The following STARD10 variants were observed in gnomAD, a reference collection of about 807,000 sequenced individuals.
STARD10 encodes START domain-containing protein 10.
STARD10 carries 24 observed loss-of-function variants against 36.0 expected under a neutral mutation model. The ratio of observed to expected loss-of-function variants is 0.67; its 90% CI spans 0.48 to 0.94. STARD10 has a LOEUF of 0.94. STARD10 is among the 40% of genes least tolerant of loss of function. The pLI, the probability that STARD10 is intolerant of heterozygous loss-of-function variation, is 0.00. For missense variants in STARD10, 335 were observed against 396.6 expected (o/e 0.84, Z 1.32); for synonymous variants, 156 against 161.9 (o/e 0.96, Z 0.28).
intron 1 of STARD10, among the ~76,000 whole-genome samples, chr11:72,786,819 C>T (rs1254125098): frequency 1.3e-5 from 2 of 152,110 alleles, no homozygotes; most frequent in African/African-American, 2.4e-5. Flanking sequence ...TGTAATCACA[C>T]CTATAATTCC....
At chr11:72,766,034 T>A (rs533753148) in intron 2 of STARD10, 2 of 152,244 alleles carry the variant, frequency 1.3e-5, no homozygotes, top group African/African-American at 4.8e-5. Flanking sequence ...GTGATCTCAA[T>A]TGATTATTCA....
chr11:72,791,272 G>T (rs1859139936), intron 1 of STARD10, among the ~76,000 whole-genome samples: 1 of 152,040 alleles, frequency 6.6e-6, no homozygotes, highest in South Asian at 2.1e-4. Context: ...GCTTCTATTT[G>T]CTACCCCAAG....
chr11:72,759,909 AT>A lies in STARD10; in HGVS notation c.208-529del, dbSNP rs202116654. 1.8e-3 allele frequency among the ~76,000 whole-genome samples: 273 copies of A among 149,248 alleles called. 1 individual carries two copies. Among genetic ancestry groups the A allele is most frequent in the African/African-American group, 5.6e-3 (229 of 40,564 alleles). ...TTTTTCCTTCAACAAACATCTTTGGATTTTTTTTTTCTTTTTTTGAGATGGA... is the reference window on the plus strand; with the variant it reads ...TTTTTCCTTCAACAAACATCTTTGGATTTTTTTTTCTTTTTTTGAGATGGA... On this transcript the variant is annotated intron_variant, in intron 2 of 6. Coordinates refer to ENST00000334805, the MANE Select transcript of STARD10 (RefSeq NM_006645.3).
rs370333254 is a variant in STARD10, at chr11:72,759,276, T to C, written c.313A>G (p.Ile105Val). 1.9e-6 allele frequency: 3 copies of C among 1,614,060 alleles called. No individual in the cohort carries two copies. Among genetic ancestry groups the C allele is most frequent in the Non-Finnish European group, 2.5e-6 (3 of 1,180,044 alleles). ...WDSNVIETFDIARLTVNADVG... is the reference protein window; with the variant it reads ...WDSNVIETFDVARLTVNADVG... ...TCAGCGTTGACTGTCAAGCGGGCGA[T>C]GTCAAAAGTCTCAATGACGTTGCTG... The change falls in exon 3 of 7, where the codon ATC becomes GTC. Residue 105 changes from isoleucine to valine, a missense_variant. By Grantham distance (29) the Ile-to-Val change is conservative. Transcript: ENST00000334805.
At chr11:72,763,768 C>T (rs1306104737) in intron 2 of STARD10, among the ~76,000 whole-genome samples, 4 of 152,202 alleles carry the variant, frequency 2.6e-5, no homozygotes, top group Non-Finnish European at 5.9e-5. Context: ...GATCTGGCAT[C>T]ATCGTTAGCA....
chr11:72,784,549 C>G (rs1395120909), intron 1 of STARD10, among the ~76,000 whole-genome samples: 1 of 152,124 alleles, frequency 6.6e-6, no homozygotes, highest in Non-Finnish European at 1.5e-5. Context: ...ATGGTTCCAA[C>G]AAAAAGTGTT....
In STARD10 at chr11:72,781,346, G is replaced by T; in HGVS notation, c.-113-52C>A. ...TCAGTGCGCTGGGGGCGCGGGTGGG[G>T]CTGTTCGGGGTCCTGGCGGGTGGGG... is the stretch of plus-strand genomic sequence containing the variant. On this transcript the variant is annotated intron_variant, in intron 1 of 6. Coordinates refer to ENST00000334805, the MANE Select transcript of STARD10 (RefSeq NM_006645.3). The surrounding 1 kb of genome is among the most constrained non-coding windows in gnomAD (Gnocchi z 4.7). 1 of 625,146 alleles carries T rather than the reference G, an allele frequency of 1.6e-6. No homozygotes were observed. The highest frequency in any genetic ancestry group is 2.8e-6 in the Non-Finnish European group (1 of 356,486). The allele number at this position is 625,146 out of a possible 1,614,324, so 38.7% of individuals were successfully genotyped here.
chr11:72,755,693 C>T lies in STARD10; in HGVS notation c.630+8G>A, dbSNP rs1858634779. The T allele has an allele frequency of 5.0e-6, 8 of 1,613,620 alleles. No individual in the cohort carries two copies. The highest frequency in any genetic ancestry group is 5.9e-6 in the Non-Finnish European group (7 of 1,179,776). ...AACACCCCTCCCCAAAATCCCAAGG[C>T]CACTCACCTTGGGAGCCAGGAACTG... On this transcript the variant is annotated splice_region_variant and intron_variant, in intron 6 of 6. Coordinates refer to ENST00000334805, the MANE Select transcript of STARD10 (RefSeq NM_006645.3).
At chr11:72,764,438 G>A (rs199876441) in intron 2 of STARD10, among the ~76,000 whole-genome samples, 2 of 152,264 alleles carry the variant, frequency 1.3e-5, no homozygotes, top group East Asian at 3.8e-4. Flanking sequence ...CAGGCTAGTG[G>A]CAGACTCTTG....
chr11:72,770,782 G>A (rs1240795431), intron 2 of STARD10, among the ~76,000 whole-genome samples: 1 of 152,154 alleles, frequency 6.6e-6, no homozygotes, highest in Non-Finnish European at 1.5e-5. Context: ...GACCAGGAGA[G>A]GAGACGGCAC....
intron 1 of STARD10, among the ~76,000 whole-genome samples, chr11:72,787,072 A>G (rs1247197288): frequency 1.4e-5 from 2 of 139,706 alleles, no homozygotes; most frequent in Non-Finnish European, 3.0e-5. Context: ...TGACAGAGAG[A>G]GACCCTGTGT....
intron 2 of STARD10, among the ~76,000 whole-genome samples, chr11:72,768,833 G>A (rs1336768967): frequency 6.6e-6 from 1 of 152,220 alleles, no homozygotes; most frequent in African/African-American, 2.4e-5. Context: ...TGCCTTGCAG[G>A]GGGCCTGGCC....
At chr11:72,768,051 A>C (rs1858814613) in intron 2 of STARD10, among the ~76,000 whole-genome samples, 1 of 152,096 alleles carries the variant, frequency 6.6e-6, no homozygotes, top group Non-Finnish European at 1.5e-5. Flanking sequence ...AAAATAACAA[A>C]AATGCCAAGA....
intron 2 of STARD10, among the ~76,000 whole-genome samples, chr11:72,771,858 T>C (rs779791127): frequency 2.0e-5 from 3 of 151,610 alleles, no homozygotes; most frequent in Non-Finnish European, 2.9e-5. Context: ...AGGCAGAGAG[T>C]GGAGGACCTA....
chr11:72,766,310 A>G (rs565520762), intron 2 of STARD10, among the ~76,000 whole-genome samples: 166 of 152,208 alleles, frequency 1.1e-3, no homozygotes, highest in African/African-American at 3.6e-3. Context: ...CCTGTGTGCA[A>G]CTGTGTGGTG....
Position 72,781,419 on chromosome 11 carries a change from T to G in STARD10, c.-113-125A>C. On this transcript the variant is annotated intron_variant, in intron 1 of 6. Transcript: ENST00000334805. The surrounding 1 kb of genome is among the most constrained non-coding windows in gnomAD (Gnocchi z 4.7). Reference sequence around the variant, plus strand: ...GCCCCAGGGAAGGGCGGACGGGCGCTGGACAGCCTCGGGGTCCCCCTCCCG... The same window carrying G: ...GCCCCAGGGAAGGGCGGACGGGCGCGGGACAGCCTCGGGGTCCCCCTCCCG... 7.5e-6 allele frequency: 4 copies of G among 536,206 alleles called. No homozygotes were observed. The highest frequency in any genetic ancestry group is 1.4e-5 in the Non-Finnish European group (4 of 296,130). The allele number at this position is 536,206 out of a possible 1,614,324, so 33.2% of individuals were successfully genotyped here.
intron 1 of STARD10, among the ~76,000 whole-genome samples, chr11:72,792,572 G>A (rs1859161462): frequency 6.6e-6 from 1 of 152,028 alleles, no homozygotes. Context: ...CTTCCCTGGG[G>A]TTAGCTGCAT....
chr11:72,787,747 G>A (rs1483592489), intron 1 of STARD10, among the ~76,000 whole-genome samples: 1 of 152,216 alleles, frequency 6.6e-6, no homozygotes, highest in Non-Finnish European at 1.5e-5. Context: ...TGGGGGTGGG[G>A]GCATCGGTGT....
chr11:72,758,621 T>G lies in STARD10; in HGVS notation c.368A>C (p.Lys123Thr). 6.2e-7 allele frequency: 1 copy of G among 1,613,628 alleles called. No individual in the cohort carries two copies. The highest frequency in any genetic ancestry group is 8.5e-7 in the Non-Finnish European group (1 of 1,179,766). ...GATGACATCACGGTTCTTCAGGGGC[T>G]TGGGACACCTCCCTGTGGGGGGCAA... is the stretch of plus-strand genomic sequence containing the variant. Reference protein sequence around the residue: ...DVGYYSWRCPKPLKNRDVITL... With the variant: ...DVGYYSWRCPTPLKNRDVITL... Residue 123 changes from lysine (K) to threonine (T), a missense_variant, in exon 4 of 7, where the codon AAG becomes ACG. Physicochemically the swap from Lys to Thr is moderately conservative, Grantham distance 78. Transcript: ENST00000334805.
Sources: allele counts gnomAD v4.1 joint callset (sites outside exome capture counted in the v4.1 genomes callset), GRCh38; gene constraint gnomAD v4.1.1; non-coding constraint Gnocchi (gnomAD v3.1); transcripts MANE v1.5; gene names NCBI Gene and HGNC (gene_info 2026-07-23, HGNC 2026-07-21).